The following ARL3 variants were observed in gnomAD, a reference collection of about 807,000 sequenced individuals.
The protein encoded by ARL3 is ADP-ribosylation factor-like protein 3.
ARL3 carries 9 observed loss-of-function variants against 26.0 expected under a neutral mutation model. The observed-to-expected ratio is 0.35, with a 90% CI of 0.21 to 0.60. The LOEUF (loss-of-function observed/expected upper bound fraction) is 0.60. Ranked by LOEUF, ARL3 falls within the 20% of genes least tolerant of loss-of-function variation. The pLI is 0.78. For missense variants in ARL3, 158 were observed against 215.7 expected, an observed-to-expected ratio of 0.73 and a Z score of 1.67; for synonymous variants, 71 against 78.4, an observed-to-expected ratio of 0.91 and a Z score of 0.50.
At chr10:102,686,741 G>C (rs536018664) in intron 4 of ARL3, among the ~76,000 whole-genome samples, 1 of 150,948 alleles carries the variant, frequency 6.6e-6, no homozygotes, top group Non-Finnish European at 1.5e-5. Flanking sequence ...CTGGGATTAC[G>C]GTGTGAGCCG....
At chr10:102,697,540 T>C (rs972552656) in intron 3 of ARL3, among the ~76,000 whole-genome samples, 2 of 152,206 alleles carry the variant, frequency 1.3e-5, no homozygotes, top group African/African-American at 4.8e-5. Context: ...CAAGTGTCAT[T>C]ATGTGGCACA....
intron 5 of ARL3, among the ~76,000 whole-genome samples, chr10:102,683,749 T>C (rs2064167826): frequency 6.6e-6 from 1 of 152,152 alleles, no homozygotes; most frequent in Non-Finnish European, 1.5e-5. Flanking sequence ...AAGGGCACTG[T>C]CTACGGTGGT....
At chr10:102,682,742 T>C (rs1342919333) in intron 5 of ARL3, among the ~76,000 whole-genome samples, 2 of 152,236 alleles carry the variant, frequency 1.3e-5, no homozygotes, top group Admixed American at 6.5e-5. Flanking sequence ...ACATGTACGA[T>C]GTATGTGTCT....
chr10:102,679,168 G>A (rs2064143562), intron 5 of ARL3, among the ~76,000 whole-genome samples: 2 of 152,200 alleles, frequency 1.3e-5, no homozygotes, highest in African/African-American at 4.8e-5. Context: ...GGAGGGAAGG[G>A]GAGGCATTGG....
At chr10:102,707,377 A>C (rs887331070) in intron 1 of ARL3, among the ~76,000 whole-genome samples, 1 of 152,110 alleles carries the variant, frequency 6.6e-6, no homozygotes, top group African/African-American at 2.4e-5. Context: ...TAAGAACATA[A>C]GAACATCTTT....
At chr10:102,687,885 A>C (rs1235485749) in intron 4 of ARL3, among the ~76,000 whole-genome samples, 2 of 152,126 alleles carry the variant, frequency 1.3e-5, no homozygotes, top group African/African-American at 4.8e-5. Flanking sequence ...TTTGAGATTC[A>C]AAACTTACCC....
Position 102,685,822 on chromosome 10 carries a change from G to GC in ARL3, c.494dup (p.Val166ArgfsTer57). On this transcript the variant is annotated frameshift_variant, in exon 5 of 6. Transcript: ENST00000260746. LOFTEE classifies it high-confidence loss of function. ...AGCCTTCCTGTAATCTCACCTGAAC[G>GC]CCCTCTCCTGTGAGAGCTGAGCAAG... 6.2e-7 allele frequency: 1 copy of GC among 1,607,940 alleles called. No homozygotes were observed. The highest frequency in any genetic ancestry group is 1.7e-4 in the Middle Eastern group (1 of 5,868).
At chr10:102,702,247 C>A (rs1438421479) in intron 2 of ARL3, among the ~76,000 whole-genome samples, 2 of 151,852 alleles carry the variant, frequency 1.3e-5, no homozygotes, top group Admixed American at 6.6e-5. Context: ...CCTCTATGAG[C>A]CATTTTTATT....
chr10:102,692,023 G>A (rs1056422361), intron 3 of ARL3, among the ~76,000 whole-genome samples: 1 of 152,154 alleles, frequency 6.6e-6, no homozygotes, highest in African/African-American at 2.4e-5. Flanking sequence ...TACTAGTGTC[G>A]AGTACAAGGA....
intron 5 of ARL3, among the ~76,000 whole-genome samples, chr10:102,682,465 C>T (rs2064160385): frequency 6.6e-6 from 1 of 152,142 alleles, no homozygotes; most frequent in Admixed American, 6.5e-5. Flanking sequence ...TACTTCCCAC[C>T]CCTGTAATGG....
At chr10:102,693,101 A>G (rs1392636355) in intron 3 of ARL3, among the ~76,000 whole-genome samples, 1 of 152,234 alleles carries the variant, frequency 6.6e-6, no homozygotes, top group East Asian at 1.9e-4. Context: ...CTATTGAAGG[A>G]CATCTTGGAT....
chr10:102,700,550 C>T (rs12219319), intron 2 of ARL3, among the ~76,000 whole-genome samples: 2 of 151,678 alleles, frequency 1.3e-5, no homozygotes, highest in African/African-American at 2.4e-5. Flanking sequence ...CTGCAACCTC[C>T]GCCTCCCAAG....
At chr10:102,706,401 G>A (rs980356248) in intron 1 of ARL3, among the ~76,000 whole-genome samples, 5 of 151,220 alleles carry the variant, frequency 3.3e-5, no homozygotes, top group South Asian at 2.1e-4. Flanking sequence ...GCAGTGAGCC[G>A]ATATTGCACA....
At chr10:102,704,030 A>G (rs968427969) in intron 2 of ARL3, among the ~76,000 whole-genome samples, 1 of 151,384 alleles carries the variant, frequency 6.6e-6, no homozygotes, top group African/African-American at 2.4e-5. Context: ...GTGCACCTGT[A>G]GTCCCAGCTA....
chr10:102,709,204 C>A (rs911884889), intron 1 of ARL3, among the ~76,000 whole-genome samples: 1 of 151,682 alleles, frequency 6.6e-6, no homozygotes, highest in Non-Finnish European at 1.5e-5. Flanking sequence ...CTGCACCCGG[C>A]CTATAAAATA....
At chr10:102,692,770 G>A (rs1347104064) in intron 3 of ARL3, among the ~76,000 whole-genome samples, 4 of 151,896 alleles carry the variant, frequency 2.6e-5, no homozygotes, top group African/African-American at 9.7e-5. Context: ...GTGCAGTGGC[G>A]CGATCTTGGC....
intron 1 of ARL3, among the ~76,000 whole-genome samples, chr10:102,706,196 A>AG (rs2064310529): frequency 6.6e-6 from 1 of 152,178 alleles, no homozygotes; most frequent in Non-Finnish European, 1.5e-5. Flanking sequence ...TCACATCTGT[A>AG]ATCCCAGCAC....
At chr10:102,686,445 C>T (rs1203296304) in intron 4 of ARL3, among the ~76,000 whole-genome samples, 1 of 149,146 alleles carries the variant, frequency 6.7e-6, no homozygotes, top group Non-Finnish European at 1.5e-5. Context: ...AGTAGTGATT[C>T]TCAAACTTTT....
Position 102,685,837 on chromosome 10 carries a change from A to T in ARL3, c.480T>A (p.Ala160=), listed in dbSNP as rs1213694566. 2.5e-6 allele frequency: 4 copies of T among 1,612,282 alleles called. No individual in the cohort carries two copies. Among genetic ancestry groups the T allele is most frequent in the Non-Finnish European group, 3.4e-6 (4 of 1,179,340 alleles). ...TCACCTGAACGCCCTCTCCTGTGAG[A>T]GCTGAGCAAGACTGGATCTGCCAGA... ...DRVWQIQSCS[A]LTGEGVQDGM... The change falls in exon 5 of 6, where the codon GCT becomes GCA. Residue 160 remains alanine (A), a synonymous_variant. Coordinates refer to ENST00000260746, the MANE Select transcript of ARL3 (RefSeq NM_004311.4).
Sources: gnomAD v4.1 joint callset for allele counts (sites outside exome capture counted in the v4.1 genomes callset) on GRCh38, gnomAD v4.1.1 for gene constraint, MANE v1.5 for transcripts, NCBI Gene and HGNC (gene_info 2026-07-23, HGNC 2026-07-21) for gene names.